RIMS2: variants seen among roughly 807,000 people sequenced by gnomAD.
RIMS2 encodes the protein regulating synaptic membrane exocytosis 2.
RIMS2 carries 59 observed loss-of-function variants against 174.4 expected under a neutral mutation model. The ratio of observed to expected loss-of-function variants is 0.34; its 90% CI spans 0.27 to 0.42. The LOEUF is 0.42. Among genes scored for constraint, RIMS2 ranks in the 10% least tolerant of loss-of-function variants. RIMS2 has a pLI of 1.00. For synonymous variants in RIMS2, 606 were observed against 572.5 expected, an observed-to-expected ratio of 1.06 and a Z score of -0.84; for missense variants, 1,620 against 1,666.3, an observed-to-expected ratio of 0.97 and a Z score of 0.48.
intron 4 of RIMS2, among the ~76,000 whole-genome samples, chr8:103,901,576 G>A (rs2073124187): frequency 6.6e-6 from 1 of 152,002 alleles, no homozygotes; most frequent in Non-Finnish European, 1.5e-5. Context: ...TATCTTTCTA[G>A]AATGTGAATT....
At chr8:103,928,749 T>C (rs184941246) in intron 11 of RIMS2, among the ~76,000 whole-genome samples, 125 of 151,444 alleles carry the variant, frequency 8.3e-4, no homozygotes, top group African/African-American at 2.8e-3. Flanking sequence ...AATAGTTACA[T>C]GCTAAAGCCA....
chr8:103,554,451 A>T (rs986554620), intron 1 of RIMS2, among the ~76,000 whole-genome samples: 5 of 152,066 alleles, frequency 3.3e-5, no homozygotes, highest in African/African-American at 1.2e-4. Flanking sequence ...TGCTCATCTT[A>T]CCATTAGAGA....
At chr8:103,893,317 T>A (rs1158559340) in intron 4 of RIMS2, among the ~76,000 whole-genome samples, 1 of 152,116 alleles carries the variant, frequency 6.6e-6, no homozygotes, top group Non-Finnish European at 1.5e-5. Context: ...CCTAGAAAAT[T>A]GTATCTGGGG....
intron 1 of RIMS2, among the ~76,000 whole-genome samples, chr8:103,613,731 A>G (rs1023241351): frequency 2.0e-5 from 3 of 152,114 alleles, no homozygotes; most frequent in Admixed American, 6.5e-5. Flanking sequence ...TCCGGGACCA[A>G]GGGCTCCTTA....
Position 103,801,240 on chromosome 8 carries a change from G to A in RIMS2, c.698+34703G>A, listed in dbSNP as rs368477325. ...GAGCTCAGGCAATCCTCCCGCCTCCGCCTCCCAAAGTGCTGGGATTACAGG... is the reference window on the plus strand; with the variant it reads ...GAGCTCAGGCAATCCTCCCGCCTCCACCTCCCAAAGTGCTGGGATTACAGG... On this transcript the variant is annotated intron_variant, in intron 3 of 23. Transcript: ENST00000504942. 7.6e-4 allele frequency among the ~76,000 whole-genome samples: 116 copies of A among 152,228 alleles called. No individual in the cohort carries two copies. In the East Asian group the frequency reaches 0.014, roughly 18 times the overall value.
chr8:103,552,002 A>G (rs560547368), intron 1 of RIMS2, among the ~76,000 whole-genome samples: 1 of 152,360 alleles, frequency 6.6e-6, no homozygotes, highest in East Asian at 1.9e-4. Flanking sequence ...GGAAGAATCA[A>G]TATCGTGAAA....
Position 104,037,039 on chromosome 8 carries a change from T to C in RIMS2, c.3334+22424T>C, listed in dbSNP as rs189510202. On this transcript the variant is annotated intron_variant, in intron 19 of 23. Coordinates refer to ENST00000504942, the Ensembl canonical transcript of RIMS2. ...AATTTTATGGTTGTAGACAAAATTATTGGAAATAATCAGTTTAGAAATGAT... is the reference window on the plus strand; with the variant it reads ...AATTTTATGGTTGTAGACAAAATTACTGGAAATAATCAGTTTAGAAATGAT... 3.9e-3 allele frequency among the ~76,000 whole-genome samples: 587 copies of C among 152,328 alleles called. 5 individuals carry two copies. Among genetic ancestry groups the C allele is most frequent in the African/African-American group, 0.012 (501 of 41,588 alleles).
At chr8:103,876,865 TA>T (rs201731539) in intron 3 of RIMS2, among the ~76,000 whole-genome samples, 6,312 of 19,500 alleles carry the variant, frequency 0.32, 581 homozygotes, top group African/African-American at 0.51. Context: ...CACACTATTT[TA>T]TATATATATA....
chr8:104,091,237 T>C (rs2097650990), intron 19 of RIMS2, among the ~76,000 whole-genome samples: 1 of 151,814 alleles, frequency 6.6e-6, no homozygotes, highest in Admixed American at 6.6e-5. Flanking sequence ...CCCTTACTAC[T>C]GCTAGAGTTA....
chr8:104,180,233 T>A (rs1390107368), intron 19 of RIMS2, among the ~76,000 whole-genome samples: 1 of 151,780 alleles, frequency 6.6e-6, no homozygotes, highest in Non-Finnish European at 1.5e-5. Context: ...ATGCCCATTT[T>A]TAATTTTGAA....
intron 2 of RIMS2, among the ~76,000 whole-genome samples, chr8:103,764,414 T>C (rs955600864): frequency 1.3e-5 from 2 of 152,196 alleles, no homozygotes; most frequent in Non-Finnish European, 2.9e-5. Flanking sequence ...TTCATTTATT[T>C]TTACATTATT....
At chr8:103,573,742 A>G (rs914553607) in intron 1 of RIMS2, among the ~76,000 whole-genome samples, 1 of 152,116 alleles carries the variant, frequency 6.6e-6, no homozygotes, top group African/African-American at 2.4e-5. Context: ...TAATTCTGTG[A>G]AAAATGATGC....
chr8:104,055,973 G>A (rs560300677), intron 19 of RIMS2, among the ~76,000 whole-genome samples: 5 of 151,876 alleles, frequency 3.3e-5, no homozygotes, highest in African/African-American at 7.2e-5. Flanking sequence ...GCACACATAC[G>A]AACATTTTGT....
chr8:103,560,531 A>G (rs1278044204), intron 1 of RIMS2, among the ~76,000 whole-genome samples: 1 of 152,208 alleles, frequency 6.6e-6, no homozygotes, highest in Non-Finnish European at 1.5e-5. Flanking sequence ...AAATTCTTGA[A>G]TGTTGCTGAA....
chr8:103,682,722 A>T (rs558905401), intron 1 of RIMS2, among the ~76,000 whole-genome samples: 20 of 152,232 alleles, frequency 1.3e-4, no homozygotes, highest in East Asian at 5.8e-4. Flanking sequence ...AAAATTTTTT[A>T]AAAAAATCTT....
chr8:104,160,249 A>G (rs1245800859), intron 19 of RIMS2, among the ~76,000 whole-genome samples: 2 of 152,202 alleles, frequency 1.3e-5, no homozygotes, highest in Non-Finnish European at 2.9e-5. Flanking sequence ...GCTATATCTC[A>G]TTCATTTTTA....
chr8:103,707,697 T>C (rs1240177066), intron 2 of RIMS2, among the ~76,000 whole-genome samples: 1 of 152,142 alleles, frequency 6.6e-6, no homozygotes, highest in Non-Finnish European at 1.5e-5. Flanking sequence ...CATGCTGGGT[T>C]ATATTCCAAT....
At chr8:103,601,984 T>C (rs2094772429) in intron 1 of RIMS2, among the ~76,000 whole-genome samples, 1 of 152,172 alleles carries the variant, frequency 6.6e-6, no homozygotes, top group Non-Finnish European at 1.5e-5. Flanking sequence ...TTATTATTTA[T>C]TTATTTTTTT....
chr8:103,613,955 G>A (rs1221625717), intron 1 of RIMS2, among the ~76,000 whole-genome samples: 6 of 152,214 alleles, frequency 3.9e-5, no homozygotes, highest in Admixed American at 3.9e-4. Flanking sequence ...CTCTCTGCCT[G>A]TTAAGCATCA....
Sources: gnomAD v4.1 joint callset for allele counts (sites outside exome capture counted in the v4.1 genomes callset) on GRCh38, gnomAD v4.1.1 for gene constraint, MANE v1.5 for transcripts, NCBI Gene and HGNC (gene_info 2026-07-23, HGNC 2026-07-21) for gene names.